The following EGFL6 variants were observed in gnomAD, a reference collection of about 807,000 sequenced individuals.
EGFL6 encodes epidermal growth factor-like protein 6.
Under a neutral mutation model 43.1 loss-of-function variants are expected in EGFL6, and 42 were observed. That is an observed-to-expected ratio of 0.98 (90% confidence interval 0.76 to 1.26). The LOEUF (loss-of-function observed/expected upper bound fraction) is 1.26, where lower values mean the gene tolerates loss of function less well. Ranked by LOEUF, EGFL6 falls within the 50% of genes most tolerant of loss-of-function variation. The pLI is 0.00. For synonymous variants in EGFL6, 164 were observed against 163.2 expected, an observed-to-expected ratio of 1.01 and a Z score of -0.04; for missense variants, 429 against 427.8, an observed-to-expected ratio of 1.00 and a Z score of -0.02.
chrX:13,580,462 C>G (rs2045499373), intron 1 of EGFL6, among the ~76,000 whole-genome samples: 1 of 111,813 alleles, frequency 8.9e-6, no homozygotes, highest in Non-Finnish European at 1.9e-5. Context: ...TTTCTCCCCA[C>G]CCCAGAACAA....
In EGFL6 at chrX:13,606,544, T is replaced by A. The variant is rs1439188594; in HGVS notation, c.655+31T>A. The stretch of plus-strand genomic sequence containing the variant: ...ATTCGATGGCACCTTTTCCTTTTTT[T>A]CCTGTCCCCACCAAACCTTTGAGCC... On this transcript the variant is annotated intron_variant, in intron 6 of 11. Transcript: ENST00000361306. 8 of 1,197,949 alleles carry A rather than the reference T, an allele frequency of 6.7e-6. No individual in the cohort carries two copies. The African/African-American group carries it at 1.2e-4, about 18-fold the overall frequency.
chrX:13,591,296 C>T (rs971259595), intron 2 of EGFL6, among the ~76,000 whole-genome samples: 6 of 111,476 alleles, frequency 5.4e-5, no homozygotes, highest in African/African-American at 6.5e-5. Flanking sequence ...TACAGTTGCA[C>T]GAACATCAGC....
intron 11 of EGFL6, 30 bp downstream of exon 11, chrX:13,627,306 T>C: frequency 2.5e-6 from 3 of 1,190,862 alleles, no homozygotes; most frequent in Non-Finnish European, 2.3e-6. Flanking sequence ...TTAAACTCAA[T>C]ATTTGCATTC....
At chrX:13,585,770 T>A (rs2146964820) in intron 1 of EGFL6, among the ~76,000 whole-genome samples, 1 of 111,602 alleles carries the variant, frequency 9.0e-6, no homozygotes, top group Non-Finnish European at 1.9e-5. Context: ...CAGCTTTTCT[T>A]TCATCATGTT....
rs1569209997 is a variant in EGFL6 at position 13,623,376 on chromosome X, G to GTTTTTTTTTT, written c.1184-448_1184-447insTTTTTTTTTT. Among the ~76,000 whole-genome samples the GTTTTTTTTTT allele has an allele frequency of 5.4e-4, 22 of 41,034 alleles. 1 individual carries two copies. The East Asian group carries it at 6.5e-3, about 12-fold the overall frequency. 35.6% of individuals were successfully genotyped at this position (41,034 alleles called of 115,157 possible). ...AAAAAAGGGTTTTTGTTTTATTTTG[G>GTTTTTTTTTT]GTTTTTTTTTTTTTTTTTTTTGAGA... On this transcript the variant is annotated intron_variant, in intron 9 of 11. Coordinates refer to ENST00000361306, the MANE Select transcript of EGFL6 (RefSeq NM_015507.4).
intron 3 of EGFL6, among the ~76,000 whole-genome samples, chrX:13,598,076 G>C (rs2045610135): frequency 8.9e-6 from 1 of 112,207 alleles, no homozygotes; most frequent in Admixed American, 9.4e-5. Context: ...AATGGTGACA[G>C]GCCTCAGCCC....
chrX:13,610,537 G>C (rs991312743), intron 7 of EGFL6, among the ~76,000 whole-genome samples: 1 of 112,193 alleles, frequency 8.9e-6, no homozygotes, highest in African/African-American at 3.2e-5. Context: ...GATTCAGAGA[G>C]AGAGATTGGC....
intron 9 of EGFL6, among the ~76,000 whole-genome samples, chrX:13,622,819 C>T (rs1443572416): frequency 8.9e-6 from 1 of 112,186 alleles, no homozygotes; most frequent in African/African-American, 3.2e-5. Flanking sequence ...TAACCACAGG[C>T]ACTGGTTCAA....
rs567881832 is a variant in EGFL6 at position 13,588,568 on chromosome X, A to T, written c.75-988A>T. On this transcript the variant is annotated intron_variant, in intron 1 of 11. Coordinates refer to ENST00000361306, the MANE Select transcript of EGFL6 (RefSeq NM_015507.4). The stretch of plus-strand genomic sequence containing the variant: ...TGCAGTGAGCTTCATCCATGGCGGC[A>T]CTACTTGGGGGCACTTGGTGGGGGA... 2.7e-5 allele frequency among the ~76,000 whole-genome samples: 3 copies of T among 111,193 alleles called. No homozygotes were observed. The South Asian group carries it at 1.2e-3, about 43-fold the overall frequency.
chrX:13,606,344 G>T lies in EGFL6; in HGVS notation c.521-35G>T, dbSNP rs1443132443. 3 of 1,199,681 alleles carry T rather than the reference G, an allele frequency of 2.5e-6. No individual in the cohort carries two copies. The African/African-American group carries it at 5.3e-5, about 21-fold the overall frequency. On this transcript the variant is annotated intron_variant, in intron 5 of 11. Transcript: ENST00000361306. ...GTGCATGTATGTGGCTACTTTTCTT[G>T]CTATCACTGACACCTTCTGGTTTTT...
In EGFL6 at chrX:13,623,875, A is replaced by G; in HGVS notation, c.1235A>G (p.Lys412Arg). ...CSFNHGICDW[K>R]QDREDDFDWN... ...TTCAATCATGGGATCTGTGACTGGA[A>G]ACAGGATAGAGAAGATGATTTTGAC... Residue 412 changes from lysine (K) to arginine (R), a missense_variant, in exon 10 of 12, where the codon AAA becomes AGA. Coordinates refer to ENST00000361306, the MANE Select transcript of EGFL6 (RefSeq NM_015507.4). 1 of 1,209,260 alleles carries G rather than the reference A, an allele frequency of 8.3e-7. No individual in the cohort carries two copies. The highest frequency in any genetic ancestry group is 1.7e-5 in the African/African-American group (1 of 57,692).
rs191645039 is a variant in EGFL6 at position 13,581,680 on chromosome X, A to T, written c.75-7876A>T. Reference sequence around the variant, plus strand: ...AGTATATTTTTGCAGAAAATAAGGAATCCTATGAAGAAATACTACACTACT... The same window carrying T: ...AGTATATTTTTGCAGAAAATAAGGATTCCTATGAAGAAATACTACACTACT... On this transcript the variant is annotated intron_variant, in intron 1 of 11. Coordinates refer to ENST00000361306, the MANE Select transcript of EGFL6 (RefSeq NM_015507.4). 2.3e-4 allele frequency among the ~76,000 whole-genome samples: 26 copies of T among 112,390 alleles called. 1 individual carries two copies. In the East Asian group the frequency reaches 6.4e-3, roughly 28 times the overall value.
intron 2 of EGFL6, among the ~76,000 whole-genome samples, chrX:13,592,151 G>A (rs2045567259): frequency 9.1e-6 from 1 of 109,853 alleles, no homozygotes; most frequent in Non-Finnish European, 1.9e-5. Flanking sequence ...ATTTATGCTG[G>A]GCTTTCCTGT....
intron 5 of EGFL6, among the ~76,000 whole-genome samples, chrX:13,604,583 C>T (rs2045650269): frequency 8.9e-6 from 1 of 111,924 alleles, no homozygotes; most frequent in South Asian, 3.7e-4. Context: ...ACCCACAGGG[C>T]ACCCTCAGTG....
At chrX:13,574,079 C>T (rs140831627) in intron 1 of EGFL6, among the ~76,000 whole-genome samples, 3,905 of 111,910 alleles carry the variant, frequency 0.035, 169 homozygotes, top group African/African-American at 0.12. Flanking sequence ...AAAGAAGTGT[C>T]GTAAAAATAA....
intron 3 of EGFL6, among the ~76,000 whole-genome samples, chrX:13,595,695 G>A (rs974301418): frequency 2.7e-5 from 3 of 110,165 alleles, no homozygotes; most frequent in East Asian, 2.8e-4. Flanking sequence ...GTTGAACAAC[G>A]TGCATATTTT....
intron 7 of EGFL6, among the ~76,000 whole-genome samples, chrX:13,609,361 C>T (rs1262674825): frequency 8.9e-6 from 1 of 112,512 alleles, no homozygotes; most frequent in Non-Finnish European, 1.9e-5. Context: ...GAGAAGAAAA[C>T]TAGAAATCTT....
intron 7 of EGFL6, among the ~76,000 whole-genome samples, chrX:13,609,702 C>T (rs2045679222): frequency 1.8e-5 from 2 of 111,065 alleles, no homozygotes; most frequent in East Asian, 2.8e-4. Flanking sequence ...TTCAGTGAGC[C>T]GAGATCGCAC....
In EGFL6 at chrX:13,606,497, A is replaced by G; in HGVS notation, c.639A>G (p.Gly213=). The G allele has an allele frequency of 2.5e-6, 3 of 1,211,188 alleles. No individual in the cohort carries two copies. The highest frequency in any genetic ancestry group is 5.9e-5 in the East Asian group (2 of 33,834). The change falls in exon 6 of 12, where the codon GGA becomes GGG. Residue 213 remains glycine (G), a synonymous_variant. Coordinates refer to ENST00000361306, the MANE Select transcript of EGFL6 (RefSeq NM_015507.4). ...HIGFELQYIS[G]RYDCIDINEC... ...GTTTCGAACTGCAATATATCAGTGG[A>G]CGATATGACTGTATAGGTAAGATTC...
Sources: allele counts gnomAD v4.1 joint callset (sites outside exome capture counted in the v4.1 genomes callset), GRCh38; gene constraint gnomAD v4.1.1; transcripts MANE v1.5; gene names NCBI Gene and HGNC (gene_info 2026-07-23, HGNC 2026-07-21).